The following PTPN3 variants were observed in gnomAD, a reference collection of about 807,000 sequenced individuals.
PTPN3 encodes the protein tyrosine-protein phosphatase non-receptor type 3.
Under a neutral mutation model 132.7 loss-of-function variants are expected in PTPN3, and 96 were observed. The ratio of observed to expected loss-of-function variants is 0.72; its 90% CI spans 0.61 to 0.86. The LOEUF is 0.86. Ranked by LOEUF, PTPN3 falls within the 40% of genes least tolerant of loss-of-function variation. PTPN3 has a pLI of 0.00. For missense variants in PTPN3, 1,125 were observed against 1,159.6 expected (o/e 0.97, Z 0.43); for synonymous variants, 398 against 429.0 (o/e 0.93, Z 0.89).
In PTPN3 at chr9:109,437,290, T is replaced by A. The variant is rs145446424; in HGVS notation, c.588-320A>T. Among the ~76,000 whole-genome samples the A allele has an allele frequency of 9.4e-3, 1,436 of 152,360 alleles. 11 individuals are homozygous for A. Among genetic ancestry groups the A allele is most frequent in the Middle Eastern group, 0.041 (12 of 294 alleles). ...TTCCAAGTTGCTAATTAGTAGGGAATCTTTAGGTCTCTCTGCCTTTATCTC... is the reference window on the plus strand; with the variant it reads ...TTCCAAGTTGCTAATTAGTAGGGAAACTTTAGGTCTCTCTGCCTTTATCTC... On this transcript the variant is annotated intron_variant, in intron 8 of 25. Transcript: ENST00000374541.
At chr9:109,416,743 G>A (rs1842536132) in intron 14 of PTPN3, among the ~76,000 whole-genome samples, 2 of 152,016 alleles carry the variant, frequency 1.3e-5, no homozygotes, top group Admixed American at 6.6e-5. Context: ...CACTATGGCT[G>A]GCCAGCACAG....
At chr9:109,424,547 C>A (rs777418136) in intron 12 of PTPN3, among the ~76,000 whole-genome samples, 2 of 152,360 alleles carry the variant, frequency 1.3e-5, no homozygotes, top group South Asian at 4.1e-4. Flanking sequence ...ACGGTTCTGC[C>A]TTTCGCTCCT....
intron 19 of PTPN3, among the ~76,000 whole-genome samples, chr9:109,394,011 C>T (rs1261781024): frequency 6.6e-6 from 1 of 152,166 alleles, no homozygotes; most frequent in Admixed American, 6.5e-5. Context: ...CAGTTCATAA[C>T]CATCAGGCAG....
At chr9:109,435,145 T>C (rs556234428) in intron 9 of PTPN3, among the ~76,000 whole-genome samples, 142 of 152,224 alleles carry the variant, frequency 9.3e-4, no homozygotes, top group Admixed American at 2.3e-3. Flanking sequence ...AGGAAACAAA[T>C]GAATGGTTTG....
At chr9:109,477,822 C>T (rs938567754) in intron 1 of PTPN3, among the ~76,000 whole-genome samples, 1 of 152,224 alleles carries the variant, frequency 6.6e-6, no homozygotes, top group African/African-American at 2.4e-5. Flanking sequence ...CACCTGCCTC[C>T]AGGGATCTCG....
chr9:109,529,439 T>TA, the PTPN3 span, among the ~76,000 whole-genome samples: 10 of 152,182 alleles, frequency 6.6e-5, no homozygotes, highest in Non-Finnish European at 1.2e-4. Flanking sequence ...GTGCCCCAGT[T>TA]AATTTCCTGG....
intron 1 of PTPN3, among the ~76,000 whole-genome samples, chr9:109,492,780 T>G (rs2132126151): frequency 6.6e-6 from 1 of 152,346 alleles, no homozygotes; most frequent in South Asian, 2.1e-4. Context: ...AAAACCAGTT[T>G]TATTTAATAA....
intron 14 of PTPN3, among the ~76,000 whole-genome samples, chr9:109,412,037 C>T (rs1252161399): frequency 5.3e-5 from 8 of 152,172 alleles, no homozygotes; most frequent in Admixed American, 2.0e-4. Context: ...CCCCCAAATA[C>T]GGCATCTTTG....
At chr9:109,527,057 C>G in the PTPN3 span, among the ~76,000 whole-genome samples, 1 of 152,062 alleles carries the variant, frequency 6.6e-6, no homozygotes. Context: ...TTCTAAAGGG[C>G]AACATAACAG....
chr9:109,479,665 C>T (rs761203530), intron 1 of PTPN3, among the ~76,000 whole-genome samples: 12 of 152,192 alleles, frequency 7.9e-5, no homozygotes, highest in Non-Finnish European at 1.2e-4. Flanking sequence ...CAGCCTCCTC[C>T]GCCTCCCAGG....
At chr9:109,399,688 C>T (rs1397184062) in intron 19 of PTPN3, among the ~76,000 whole-genome samples, 1 of 151,376 alleles carries the variant, frequency 6.6e-6, no homozygotes, top group Non-Finnish European at 1.5e-5. Context: ...CCAAAGCAAG[C>T]ACTGATAGAA....
At chr9:109,398,632 T>C (rs17201388) in intron 19 of PTPN3, among the ~76,000 whole-genome samples, 5,543 of 152,232 alleles carry the variant, frequency 0.036, 139 homozygotes, top group East Asian at 0.15. Context: ...AGGCATTCTC[T>C]TGTGGTGTTC....
intron 12 of PTPN3, among the ~76,000 whole-genome samples, chr9:109,423,741 G>A (rs1843044557): frequency 6.6e-6 from 1 of 152,154 alleles, no homozygotes; most frequent in African/African-American, 2.4e-5. Context: ...TGAATTATTT[G>A]AGAGAATAGA....
At chr9:109,386,122 T>C (rs1588291454) in intron 22 of PTPN3, among the ~76,000 whole-genome samples, 1 of 152,332 alleles carries the variant, frequency 6.6e-6, no homozygotes, top group East Asian at 1.9e-4. Context: ...CGACTCCTAA[T>C]CCAGAAGAAC....
intron 10 of PTPN3, among the ~76,000 whole-genome samples, chr9:109,430,029 C>G (rs1189502442): frequency 1.3e-5 from 2 of 152,168 alleles, no homozygotes; most frequent in Non-Finnish European, 2.9e-5. Context: ...CATCTATTTT[C>G]AACGATCTGT....
At chr9:109,516,613 A>G in the PTPN3 span, among the ~76,000 whole-genome samples, 25 of 152,316 alleles carry the variant, frequency 1.6e-4, no homozygotes, top group African/African-American at 6.0e-4. Context: ...TACTACAACC[A>G]GGAGTCTGGA....
intron 14 of PTPN3, among the ~76,000 whole-genome samples, chr9:109,410,738 T>C (rs1842013303): frequency 1.3e-5 from 2 of 152,232 alleles, no homozygotes; most frequent in African/African-American, 4.8e-5. Flanking sequence ...GTTTCATTAC[T>C]GAACCAGGCT....
rs750154089 is a variant in PTPN3 at position 109,438,139 on chromosome 9, C to G, written c.562G>C (p.Val188Leu). The G allele has an allele frequency of 6.2e-7, 1 of 1,613,970 alleles. No individual in the cohort carries two copies. Among genetic ancestry groups the G allele is most frequent in the Non-Finnish European group, 8.5e-7 (1 of 1,179,922 alleles). Residue 188 changes from valine to leucine, a missense_variant, in exon 8 of 26, where the codon GTC (valine) becomes CTC (leucine). Physicochemically the swap from Val to Leu is conservative, Grantham distance 32 (BLOSUM62 1). Coordinates refer to ENST00000374541, the MANE Select transcript of PTPN3 (RefSeq NM_002829.4). ...PDQNEDFLTK[V>L]ESLHEQHSGL... Reference sequence around the variant, plus strand: ...CTGTGCTGCTCATGCAGAGATTCGACTTTTGTTAAAAAGTCCTCATTTTGA... The same window carrying G: ...CTGTGCTGCTCATGCAGAGATTCGAGTTTTGTTAAAAAGTCCTCATTTTGA...
intron 2 of PTPN3, among the ~76,000 whole-genome samples, chr9:109,460,038 CG>C (rs1564463120): frequency 6.6e-6 from 1 of 152,134 alleles, no homozygotes; most frequent in Non-Finnish European, 1.5e-5. Flanking sequence ...TCTTCTATCT[CG>C]TACCATTCCT....
Sources: gnomAD v4.1 joint callset for allele counts (sites outside exome capture counted in the v4.1 genomes callset) on GRCh38, gnomAD v4.1.1 for gene constraint, MANE v1.5 for transcripts, NCBI Gene and HGNC (gene_info 2026-07-23, HGNC 2026-07-21) for gene names.